The following ALPK1 variants were observed in gnomAD, a reference collection of about 807,000 sequenced individuals.
ALPK1 encodes alpha-protein kinase 1.
In ALPK1, 110 loss-of-function variants were observed where a neutral mutation model predicts 120.6. The observed-to-expected ratio is 0.91, with a 90% CI of 0.78 to 1.07. The LOEUF is 1.07. Ranked by LOEUF, ALPK1 falls within the 50% of genes least tolerant of loss-of-function variation. ALPK1 has a pLI of 0.00. For synonymous variants in ALPK1, 582 were observed against 560.3 expected (o/e 1.04, Z -0.55); for missense variants, 1,498 against 1,483.9 (o/e 1.01, Z -0.16).
At chr4:112,356,874 T>C (rs915466742) in intron 2 of ALPK1, 5 of 742,086 alleles carry the variant, frequency 6.7e-6, no homozygotes, top group Non-Finnish European at 1.3e-5. Flanking sequence ...GTCGTGATCT[T>C]TGATGAAACT....
intron 5 of ALPK1, among the ~76,000 whole-genome samples, chr4:112,413,296 T>G (rs572650533): frequency 6.6e-6 from 1 of 152,244 alleles, no homozygotes; most frequent in African/African-American, 2.4e-5. Flanking sequence ...ACAGAGTTAA[T>G]GTAGCATATT....
intron 4 of ALPK1, among the ~76,000 whole-genome samples, chr4:112,389,377 G>T (rs1732303199): frequency 6.6e-6 from 1 of 152,174 alleles, no homozygotes; most frequent in Non-Finnish European, 1.5e-5. Context: ...GATACCAGGG[G>T]TTGGTCACAG....
chr4:112,339,494 A>G (rs1050540085), intron 2 of ALPK1, among the ~76,000 whole-genome samples: 2 of 152,226 alleles, frequency 1.3e-5, no homozygotes, highest in Non-Finnish European at 2.9e-5. Flanking sequence ...TAACTACAAG[A>G]TAAGAAAAAC....
At position 112,441,981 on chromosome 4, in the gene ALPK1, A is replaced by C. The variant is rs1252117353; in HGVS notation, c.*771A>C. The C allele has an allele frequency of 2.0e-5, 3 of 152,674 alleles. No individual in the cohort carries two copies. Among genetic ancestry groups the C allele is most frequent in the African/African-American group, 7.2e-5 (3 of 41,468 alleles). 9.5% of individuals were successfully genotyped at this position (152,674 alleles called of 1,614,324 possible). ...TGAGACTGGGTAATTTAGAAAGAAAAGAGGTTTAATTAACTCACAGTTCCA... is the reference window on the plus strand; with the variant it reads ...TGAGACTGGGTAATTTAGAAAGAAACGAGGTTTAATTAACTCACAGTTCCA... On this transcript the variant is annotated 3_prime_UTR_variant, in exon 16 of 16. Coordinates refer to ENST00000650871, the MANE Select transcript of ALPK1 (RefSeq NM_025144.4).
chr4:112,411,515 A>G (rs1733459035), intron 4 of ALPK1, among the ~76,000 whole-genome samples: 1 of 152,200 alleles, frequency 6.6e-6, no homozygotes, highest in South Asian at 2.1e-4. Context: ...GTGAGCCACC[A>G]TGCCCGGCCC....
intron 5 of ALPK1, 56 bp downstream of exon 5, chr4:112,412,081 C>T: frequency 6.3e-7 from 1 of 1,599,768 alleles, no homozygotes; most frequent in Non-Finnish European, 8.5e-7. Context: ...GGTCCCCTTC[C>T]CTCCCGAGCT....
chr4:112,398,229 A>G (rs775285586), intron 4 of ALPK1, among the ~76,000 whole-genome samples: 12 of 152,188 alleles, frequency 7.9e-5, no homozygotes, highest in Non-Finnish European at 1.6e-4. Context: ...TAAATAGGTC[A>G]ATGAAGTATT....
At chr4:112,330,060 G>C (rs780154413) in intron 2 of ALPK1, among the ~76,000 whole-genome samples, 12 of 152,324 alleles carry the variant, frequency 7.9e-5, no homozygotes, top group Admixed American at 4.6e-4. Flanking sequence ...GAAAAACGCT[G>C]ATTAGAAACC....
chr4:112,379,341 G>A (rs921437640), intron 3 of ALPK1, among the ~76,000 whole-genome samples: 1 of 152,236 alleles, frequency 6.6e-6, no homozygotes, highest in African/African-American at 2.4e-5. Flanking sequence ...GCTGCTTGGG[G>A]AAGCAAGTGA....
In ALPK1 at chr4:112,308,798, C is replaced by T. The variant is rs181384137; in HGVS notation, c.-152-7003C>T. ...TTGTTCTGTTGCTGGAGAGGAGCTG[C>T]GTTCCTTTGGAGGGGGAGGGGCGCT... is the stretch of plus-strand genomic sequence containing the variant. On this transcript the variant is annotated intron_variant, in intron 1 of 15. Coordinates refer to ENST00000650871, the MANE Select transcript of ALPK1 (RefSeq NM_025144.4). Among the ~76,000 whole-genome samples the T allele has an allele frequency of 2.9e-3, 440 of 152,222 alleles. 7 individuals are homozygous for T. The highest frequency in any genetic ancestry group is 9.8e-3 in the African/African-American group (408 of 41,486).
intron 2 of ALPK1, among the ~76,000 whole-genome samples, chr4:112,350,538 T>C (rs1468881942): frequency 6.6e-6 from 1 of 152,194 alleles, no homozygotes. Context: ...GACTAAATGG[T>C]CAAGACTACT....
intron 4 of ALPK1, among the ~76,000 whole-genome samples, chr4:112,407,937 C>G (rs995618374): frequency 1.3e-5 from 2 of 151,972 alleles, no homozygotes; most frequent in African/African-American, 4.8e-5. Context: ...GAAACCCCGT[C>G]TCTACTAAAA....
chr4:112,325,375 A>G (rs1030974632), intron 2 of ALPK1, among the ~76,000 whole-genome samples: 3 of 152,212 alleles, frequency 2.0e-5, no homozygotes, highest in African/African-American at 7.2e-5. Flanking sequence ...TCAGACTTAA[A>G]CAGTTCCTTA....
intron 4 of ALPK1, among the ~76,000 whole-genome samples, chr4:112,404,281 T>C (rs1357028957): frequency 6.6e-6 from 1 of 152,258 alleles, no homozygotes; most frequent in Non-Finnish European, 1.5e-5. Context: ...TTATACCTCG[T>C]CATACAAGTG....
intron 14 of ALPK1, 93 bp from the exon 15 acceptor site, chr4:112,440,812 AGTGTGTGTGTGT>A (rs71595596): frequency 1.7e-5 from 23 of 1,328,076 alleles, no homozygotes; most frequent in East Asian, 5.3e-5. Context: ...TATCTCTTTA[AGTGTGTGTGTGT>A]GTGTGTGTGT....
chr4:112,358,496 C>A (rs2148715274), intron 2 of ALPK1: 1 of 678,856 alleles, frequency 1.5e-6, no homozygotes, highest in South Asian at 1.7e-5. Context: ...GAAGCAGAGG[C>A]CCTCAGGGTC....
chr4:112,429,839 CA>C (rs756983786), intron 10 of ALPK1, among the ~76,000 whole-genome samples: 220 of 40,082 alleles, frequency 5.5e-3, no homozygotes, highest in South Asian at 0.028. Context: ...GACCCTACCT[CA>C]AAAAAAAAAA....
At chr4:112,423,503 A>G (rs1369134590) in intron 5 of ALPK1, among the ~76,000 whole-genome samples, 2 of 152,242 alleles carry the variant, frequency 1.3e-5, no homozygotes, top group East Asian at 3.8e-4. Flanking sequence ...AGTAACAAAA[A>G]TAAGTAAAAA....
At chr4:112,318,662 G>T (rs1728738033) in intron 2 of ALPK1, among the ~76,000 whole-genome samples, 1 of 152,218 alleles carries the variant, frequency 6.6e-6, no homozygotes, top group Non-Finnish European at 1.5e-5. Context: ...TAAAAATGGG[G>T]AGAGGAACAT....
Sources: allele counts gnomAD v4.1 joint callset (sites outside exome capture counted in the v4.1 genomes callset), GRCh38; gene constraint gnomAD v4.1.1; transcripts MANE v1.5; gene names NCBI Gene and HGNC (gene_info 2026-07-23, HGNC 2026-07-21).